The following ACVR1C variants were observed in gnomAD, a reference collection of about 807,000 sequenced individuals.
The protein encoded by ACVR1C is activin A receptor type 1C, also known as activin receptor type-1C.
Under a neutral mutation model 57.9 loss-of-function variants are expected in ACVR1C, and 23 were observed. The observed-to-expected ratio is 0.40, with a 90% CI of 0.29 to 0.56. The LOEUF is 0.56. Ranked by LOEUF, ACVR1C falls within the 20% of genes least tolerant of loss-of-function variation. The pLI is 0.50. For missense variants in ACVR1C, 480 were observed against 607.9 expected (o/e 0.79, Z 2.21); for synonymous variants, 214 against 215.3 (o/e 0.99, Z 0.05).
At chr2:157,586,084 A>G (rs1688914118) in intron 2 of ACVR1C, among the ~76,000 whole-genome samples, 1 of 152,098 alleles carries the variant, frequency 6.6e-6, no homozygotes, top group South Asian at 2.1e-4. Context: ...TGTAAGAAAA[A>G]GTCTCCTTTC....
chr2:157,566,832 G>A (rs568590127), intron 2 of ACVR1C, among the ~76,000 whole-genome samples: 1 of 152,304 alleles, frequency 6.6e-6, no homozygotes, highest in Admixed American at 6.5e-5. Flanking sequence ...AAAGCAGCCG[G>A]GAAGGGAAGC....
intron 1 of ACVR1C, among the ~76,000 whole-genome samples, chr2:157,619,995 T>C (rs1356808715): frequency 1.3e-5 from 2 of 152,058 alleles, no homozygotes; most frequent in East Asian, 3.9e-4. Flanking sequence ...CAAAGCATAG[T>C]TGAGTAAAAG....
chr2:157,588,541 T>C (rs1372548703), intron 1 of ACVR1C, among the ~76,000 whole-genome samples: 1 of 151,774 alleles, frequency 6.6e-6, no homozygotes, highest in Admixed American at 6.6e-5. Flanking sequence ...ATCACCCAAA[T>C]GGTGTACATT....
chr2:157,605,195 CAT>C (rs148856106), intron 1 of ACVR1C, among the ~76,000 whole-genome samples: 9 of 150,058 alleles, frequency 6.0e-5, no homozygotes, highest in African/African-American at 1.7e-4. Context: ...AATCAATTGA[CAT>C]ATATATATAT....
intron 1 of ACVR1C, among the ~76,000 whole-genome samples, chr2:157,623,833 T>C (rs970876850): frequency 6.6e-6 from 1 of 152,176 alleles, no homozygotes; most frequent in Non-Finnish European, 1.5e-5. Context: ...TGCATGCCTG[T>C]ATCAAAACAT....
chr2:157,548,866 C>G (rs1413695077), intron 4 of ACVR1C, among the ~76,000 whole-genome samples: 1 of 152,164 alleles, frequency 6.6e-6, no homozygotes, highest in Admixed American at 6.5e-5. Flanking sequence ...CTAAAATTGT[C>G]TCACTTGCCA....
intron 3 of ACVR1C, among the ~76,000 whole-genome samples, chr2:157,551,595 C>T (rs541825837): frequency 2.5e-4 from 38 of 152,126 alleles, no homozygotes; most frequent in African/African-American, 8.9e-4. Context: ...CTTGGTGAAA[C>T]CGGGGTGAGT....
intron 3 of ACVR1C, among the ~76,000 whole-genome samples, chr2:157,552,133 T>C (rs1373821411): frequency 6.6e-6 from 1 of 151,902 alleles, no homozygotes; most frequent in Non-Finnish European, 1.5e-5. Flanking sequence ...GTTTGTTTTG[T>C]TTGTTTGTTT....
At chr2:157,560,383 T>A (rs1018899218) in intron 2 of ACVR1C, among the ~76,000 whole-genome samples, 2 of 152,220 alleles carry the variant, frequency 1.3e-5, no homozygotes, top group African/African-American at 4.8e-5. Context: ...TATGTGAACC[T>A]GAGAAAGTCA....
intron 2 of ACVR1C, among the ~76,000 whole-genome samples, chr2:157,579,243 T>G (rs1358293132): frequency 1.3e-5 from 2 of 152,210 alleles, no homozygotes; most frequent in African/African-American, 4.8e-5. Context: ...TCTTTTGGAC[T>G]CGTATGTGAA....
At chr2:157,539,080 T>C (rs1463368049) in intron 7 of ACVR1C, among the ~76,000 whole-genome samples, 1 of 151,794 alleles carries the variant, frequency 6.6e-6, no homozygotes, top group Non-Finnish European at 1.5e-5. Context: ...AATGCCATTA[T>C]ACAATTTAAA....
chr2:157,597,784 C>A (rs1682172140), intron 1 of ACVR1C, among the ~76,000 whole-genome samples: 1 of 152,166 alleles, frequency 6.6e-6, no homozygotes, highest in Non-Finnish European at 1.5e-5. Context: ...AGAAGCAAAT[C>A]AATGCAGTGA....
At chr2:157,564,277 T>C (rs563112246) in intron 2 of ACVR1C, among the ~76,000 whole-genome samples, 197 of 150,588 alleles carry the variant, frequency 1.3e-3, no homozygotes, top group Non-Finnish European at 2.3e-3. Context: ...AAGAAAAAAA[T>C]CCCATCAAAA....
At chr2:157,541,948 A>G (rs1461151836) in intron 6 of ACVR1C, among the ~76,000 whole-genome samples, 1 of 152,206 alleles carries the variant, frequency 6.6e-6, no homozygotes, top group Non-Finnish European at 1.5e-5. Context: ...CTGAAATTCA[A>G]GTAAAAATAA....
rs200222427 is a variant in ACVR1C at position 157,537,261 on chromosome 2, T to C, written c.1356+1312A>G. Reference sequence around the variant, plus strand: ...AATTGATTATAATATAAGTAACCTCTCAGAGGGGTAAGGAATCTTCAAAGG... The same window carrying C: ...AATTGATTATAATATAAGTAACCTCCCAGAGGGGTAAGGAATCTTCAAAGG... On this transcript the variant is annotated intron_variant, in intron 8 of 8. Transcript: ENST00000243349. Among the ~76,000 whole-genome samples, 11 of 152,078 alleles carry C rather than the reference T, an allele frequency of 7.2e-5. No individual in the cohort carries two copies. In the East Asian group the frequency reaches 1.9e-3, roughly 27 times the overall value.
chr2:157,535,964 T>C (rs1054430819), intron 8 of ACVR1C, among the ~76,000 whole-genome samples: 18 of 152,140 alleles, frequency 1.2e-4, no homozygotes, highest in Admixed American at 1.2e-3. Flanking sequence ...CCCTATGGAC[T>C]GAGCCAGGCT....
chr2:157,578,449 T>C (rs1187063084), intron 2 of ACVR1C, among the ~76,000 whole-genome samples: 1 of 152,210 alleles, frequency 6.6e-6, no homozygotes, highest in East Asian at 1.9e-4. Context: ...GAATGGTTTA[T>C]ATTAATATTT....
At chr2:157,585,619 A>C (rs1688901101) in intron 2 of ACVR1C, among the ~76,000 whole-genome samples, 1 of 152,196 alleles carries the variant, frequency 6.6e-6, no homozygotes, top group African/African-American at 2.4e-5. Flanking sequence ...ACAGCTAAAG[A>C]GGAGACTCTC....
chr2:157,595,109 AATT>A (rs1380074899), intron 1 of ACVR1C, among the ~76,000 whole-genome samples: 2 of 152,258 alleles, frequency 1.3e-5, no homozygotes, highest in African/African-American at 4.8e-5. Flanking sequence ...AGTGTGGGAC[AATT>A]ATTAATCAAC....
Sources: gnomAD v4.1 joint callset for allele counts (sites outside exome capture counted in the v4.1 genomes callset) on GRCh38, gnomAD v4.1.1 for gene constraint, MANE v1.5 for transcripts, NCBI Gene and HGNC (gene_info 2026-07-23, HGNC 2026-07-21) for gene names.